Variants in TNRC6A observed in about 807,000 individuals in gnomAD.
TNRC6A encodes the protein trinucleotide repeat containing adaptor 6A.
A neutral mutation model predicts 221.2 loss-of-function variants in TNRC6A; 44 were observed. That is an observed-to-expected ratio of 0.20 (90% CI 0.16 to 0.26). The LOEUF is 0.26. Among genes scored for constraint, TNRC6A ranks in the 10% least tolerant of loss-of-function variants. The pLI is 1.00. For missense variants in TNRC6A, 2,199 were observed against 2,404.4 expected (o/e 0.91, Z 1.79); for synonymous variants, 847 against 838.5 (o/e 1.01, Z -0.18).
intron 4 of TNRC6A, among the ~76,000 whole-genome samples, chr16:24,771,710 G>A (rs1487656826): frequency 1.3e-5 from 2 of 151,992 alleles, no homozygotes; most frequent in African/African-American, 2.4e-5. Flanking sequence ...CAGGACTACA[G>A]ACATCTGCTG....
chr16:24,789,220 C>T lies in TNRC6A; in HGVS notation c.590-12C>T, dbSNP rs745825337. 5 of 1,557,410 alleles carry T rather than the reference C, an allele frequency of 3.2e-6. No homozygotes were observed. The highest frequency in any genetic ancestry group is 2.2e-5 in the East Asian group (1 of 44,452). ...ACACTTTATAAATAGTTGTACTTCT[C>T]CTTTATCCTAGATATAAACCACAGT... On this transcript the variant is annotated splice_polypyrimidine_tract_variant and intron_variant, in intron 5 of 24. Transcript: ENST00000395799.
intron 1 of TNRC6A, among the ~76,000 whole-genome samples, chr16:24,640,046 G>A (rs1901856854): frequency 6.6e-6 from 1 of 152,188 alleles, no homozygotes; most frequent in African/African-American, 2.4e-5. Context: ...AGAAGTTGCA[G>A]ACATAGATGA....
intron 11 of TNRC6A, among the ~76,000 whole-genome samples, chr16:24,801,933 AT>A (rs1244214771): frequency 6.6e-6 from 1 of 151,724 alleles, no homozygotes; most frequent in Non-Finnish European, 1.5e-5. Flanking sequence ...CTTAGTTGTT[AT>A]CAGTGAATTA....
chr16:24,796,026 G>T (rs749690012), intron 9 of TNRC6A, 87 bp downstream of exon 9: 26 of 1,444,792 alleles, frequency 1.8e-5, no homozygotes, highest in Non-Finnish European at 2.3e-5. Context: ...AGCCTCTGCT[G>T]TGTGCCAGGT....
intron 6 of TNRC6A, among the ~76,000 whole-genome samples, chr16:24,792,297 C>T (rs1360467744): frequency 6.6e-6 from 1 of 152,056 alleles, no homozygotes; most frequent in Non-Finnish European, 1.5e-5. Flanking sequence ...AAACATTTGA[C>T]AATACCTTTC....
intron 3 of TNRC6A, among the ~76,000 whole-genome samples, chr16:24,756,470 C>T (rs1458578864): frequency 6.6e-6 from 1 of 152,170 alleles, no homozygotes; most frequent in South Asian, 2.1e-4. Flanking sequence ...TACTTTCATT[C>T]CTTGTATACA....
chr16:24,820,829 C>T (rs146981170), intron 22 of TNRC6A, among the ~76,000 whole-genome samples: 1,979 of 152,314 alleles, frequency 0.013, 20 homozygotes, highest in Middle Eastern at 0.041. Context: ...CTCTGCCTTT[C>T]CTCATTCTAT....
chr16:24,718,379 C>A (rs1473039730), intron 2 of TNRC6A, among the ~76,000 whole-genome samples: 2 of 152,122 alleles, frequency 1.3e-5, no homozygotes, highest in African/African-American at 4.8e-5. Context: ...AGATCCAGAG[C>A]ATTTCAGGGA....
rs1348102187 is a variant in TNRC6A, at chr16:24,789,213, T to C, written c.590-19T>C. On this transcript the variant is annotated intron_variant, in intron 5 of 24. Transcript: ENST00000395799. ...TGGCCTAACACTTTATAAATAGTTG[T>C]ACTTCTCCTTTATCCTAGATATAAA... 6.5e-7 allele frequency: 1 copy of C among 1,545,680 alleles called. No individual in the cohort carries two copies. Among genetic ancestry groups the C allele is most frequent in the Admixed American group, 2.1e-5 (1 of 48,210 alleles).
At chr16:24,613,223 T>C (rs1241819899) in intron 1 of TNRC6A, among the ~76,000 whole-genome samples, 1 of 150,352 alleles carries the variant, frequency 6.7e-6, no homozygotes, top group Non-Finnish European at 1.5e-5. Flanking sequence ...TCTCTGATGA[T>C]GCAATTTTTA....
intron 2 of TNRC6A, among the ~76,000 whole-genome samples, chr16:24,648,521 T>C (rs577526461): frequency 1.0e-3 from 154 of 151,958 alleles, no homozygotes; most frequent in Admixed American, 1.6e-3. Flanking sequence ...TCACCCGCCT[T>C]GGCCTCCCAA....
chr16:24,773,269 T>G (rs2057650795), intron 4 of TNRC6A, among the ~76,000 whole-genome samples: 1 of 152,266 alleles, frequency 6.6e-6, no homozygotes, highest in Admixed American at 6.5e-5. Flanking sequence ...ATGCAGTGTT[T>G]CCAGTATTAA....
chr16:24,765,577 T>C (rs2057455435), intron 4 of TNRC6A, among the ~76,000 whole-genome samples: 1 of 152,156 alleles, frequency 6.6e-6, no homozygotes, highest in African/African-American at 2.4e-5. Flanking sequence ...TTATGAGATA[T>C]TTAGAAGGCA....
intron 2 of TNRC6A, among the ~76,000 whole-genome samples, chr16:24,673,200 TAAAAA>T (rs1203111800): frequency 2.0e-5 from 3 of 151,970 alleles, no homozygotes; most frequent in Non-Finnish European, 2.9e-5. Flanking sequence ...AAATTAAAAA[TAAAAA>T]TAAAAAAAGA....
chr16:24,790,827 A>G lies in TNRC6A; in HGVS notation c.2185A>G (p.Lys729Glu). The G allele has an allele frequency of 6.2e-7, 1 of 1,614,126 alleles. No individual in the cohort carries two copies. The highest frequency in any genetic ancestry group is 8.5e-7 in the Non-Finnish European group (1 of 1,180,030). The change falls in exon 6 of 25, where the codon AAG (lysine) becomes GAG (glutamate). Residue 729 changes from lysine (K) to glutamate (E), a missense_variant. Lys to Glu is a moderately conservative substitution (Grantham distance 56, BLOSUM62 1). This residue lies in a region of TNRC6A where 1,405 missense variants were observed against 1,400.2 expected (regional missense o/e 1.00). Transcript: ENST00000395799. The stretch of plus-strand genomic sequence containing the variant: ...CTCTGGTTGGGGACAGACTCCTATT[A>G]AGCAGAATACTGCCTGGGATACAGA... ...SNSGWGQTPI[K>E]QNTAWDTETS...
rs762971671 is a variant in TNRC6A at position 24,795,889 on chromosome 16, C to CT, written c.3529-15dup. 3.0e-5 allele frequency: 47 copies of CT among 1,587,076 alleles called. No homozygotes were observed. The highest frequency in any genetic ancestry group is 2.8e-4 in the Admixed American group (16 of 57,604). On this transcript the variant is annotated splice_polypyrimidine_tract_variant and intron_variant, in intron 8 of 24. Transcript: ENST00000395799. Reference sequence around the variant, plus strand: ...CCCACTGGACCATGCTGTTTTGTGACTTTGTCTTTCCTTACAGGGTCTGAG... The same window carrying CT: ...CCCACTGGACCATGCTGTTTTGTGACTTTTGTCTTTCCTTACAGGGTCTGAG...
rs368284938 is a variant in TNRC6A at position 24,688,099 on chromosome 16, A to ATTT, written n.402+47101_402+47103dup. 6.8e-4 allele frequency among the ~76,000 whole-genome samples: 97 copies of ATTT among 143,492 alleles called. 1 individual carries two copies. Among genetic ancestry groups the ATTT allele is most frequent in the African/African-American group, 2.2e-3 (85 of 39,362 alleles). The allele number at this position is 143,492 out of a possible 152,430, so 94.1% of individuals were successfully genotyped here. ...AGGTGTCCACCACCATGCCCTGCTA[A>ATTT]TTTTTTTTTTTTTGTATTTTTAGTA... On this transcript the variant is annotated intron_variant and non_coding_transcript_variant, in intron 2 of 2. Transcript: ENST00000566108.
At chr16:24,650,255 T>G (rs1296411962) in intron 2 of TNRC6A, among the ~76,000 whole-genome samples, 2 of 152,238 alleles carry the variant, frequency 1.3e-5, no homozygotes, top group African/African-American at 4.8e-5. Context: ...GAATTATAAT[T>G]AAAATATTAT....
At chr16:24,686,617 A>G (rs1252822774) in intron 2 of TNRC6A, among the ~76,000 whole-genome samples, 1 of 152,204 alleles carries the variant, frequency 6.6e-6, no homozygotes, top group African/African-American at 2.4e-5. Flanking sequence ...TAGTAGATTA[A>G]GCGCCAAAAT....
Sources: allele counts gnomAD v4.1 joint callset (sites outside exome capture counted in the v4.1 genomes callset), GRCh38; gene constraint gnomAD v4.1.1; regional missense constraint gnomAD v4.1.1; transcripts MANE v1.5; gene names NCBI Gene and HGNC (gene_info 2026-07-23, HGNC 2026-07-21).